The following FOXP4 variants were observed in gnomAD, a reference collection of about 807,000 sequenced individuals.
FOXP4 encodes forkhead box protein P4.
In FOXP4, 25 loss-of-function variants were observed where a neutral mutation model predicts 82.6. That is an observed-to-expected ratio of 0.30 (90% CI 0.22 to 0.42). The LOEUF is 0.42. Among genes scored for constraint, FOXP4 ranks in the 10% least tolerant of loss-of-function variants. The pLI is 1.00. For missense variants in FOXP4, 785 were observed against 900.9 expected (o/e 0.87, Z 1.65); for synonymous variants, 415 against 388.2 (o/e 1.07, Z -0.81).
In FOXP4 at chr6:41,588,631, C is replaced by G. The variant is rs769438904; in HGVS notation, c.978-13C>G. ...CGGAGCCAACTTTCTCTCCTCCTCT[C>G]TTCCCCTTGAAGACACCTCAACACA... On this transcript the variant is annotated splice_polypyrimidine_tract_variant and intron_variant, in intron 8 of 16. Transcript: ENST00000307972. 3 of 1,613,940 alleles carry G rather than the reference C, an allele frequency of 1.9e-6. No homozygotes were observed. Among genetic ancestry groups the G allele is most frequent in the Non-Finnish European group, 2.5e-6 (3 of 1,179,882 alleles).
rs1474052972 is a variant in FOXP4 at position 41,565,741 on chromosome 6, C to T, written c.-16-4C>T. 2.5e-6 allele frequency: 4 copies of T among 1,575,992 alleles called. No homozygotes were observed. The highest frequency in any genetic ancestry group is 1.2e-5 in the South Asian group (1 of 85,444). On this transcript the variant is annotated splice_polypyrimidine_tract_variant and splice_region_variant and intron_variant, in intron 1 of 16. Transcript: ENST00000307972. ...TCTCCCCTGTGTCTCTCTTCCTCCT[C>T]CAGGTACCGCTAGAGCGACATGATG...
chr6:41,564,162 A>G (rs1764745014), intron 1 of FOXP4, among the ~76,000 whole-genome samples: 1 of 152,238 alleles, frequency 6.6e-6, no homozygotes, highest in Non-Finnish European at 1.5e-5. Flanking sequence ...TACTAAAGAT[A>G]TTGGAACCTT....
chr6:41,566,180 G>T (rs1031767861), intron 2 of FOXP4, among the ~76,000 whole-genome samples: 1 of 152,118 alleles, frequency 6.6e-6, no homozygotes, highest in African/African-American at 2.4e-5. Context: ...GATAGAAGTG[G>T]GACTCGGAGG....
chr6:41,575,323 G>A (rs1765418059), intron 2 of FOXP4, among the ~76,000 whole-genome samples: 1 of 152,170 alleles, frequency 6.6e-6, no homozygotes, highest in South Asian at 2.1e-4. Flanking sequence ...AGCCCTGGGG[G>A]GGCAGAGGCC....
At chr6:41,585,997 T>C (rs998210797) in intron 5 of FOXP4, among the ~76,000 whole-genome samples, 1 of 151,634 alleles carries the variant, frequency 6.6e-6, no homozygotes, top group Non-Finnish European at 1.5e-5. Flanking sequence ...CGGTCTCCTC[T>C]CAGAGCTCCC....
intron 2 of FOXP4, among the ~76,000 whole-genome samples, chr6:41,573,657 T>TG (rs1765321407): frequency 6.6e-6 from 1 of 152,176 alleles, no homozygotes; most frequent in South Asian, 2.1e-4. Flanking sequence ...CAGGACCTAC[T>TG]GGGTGCCTGG....
At chr6:41,589,927 G>A (rs772272458) in intron 10 of FOXP4, 36 bp from the exon 11 acceptor site, 54 of 1,603,728 alleles carry the variant, frequency 3.4e-5, no homozygotes, top group Middle Eastern at 3.3e-4. Context: ...CCCCACCCTC[G>A]GGCACTGGTC....
rs199587483 is a variant in FOXP4, at chr6:41,575,930, C to G, written c.205-2056C>G. On this transcript the variant is annotated intron_variant, in intron 2 of 16. Transcript: ENST00000307972. The stretch of plus-strand genomic sequence containing the variant: ...TACCCCCTCAACCCTACTCTACCTC[C>G]ACCTTTGGAGGACAAAGAGCACTTG... 6.6e-5 allele frequency among the ~76,000 whole-genome samples: 10 copies of G among 152,250 alleles called. 1 individual carries two copies. In the East Asian group the frequency reaches 1.9e-3, roughly 29 times the overall value.
intron 8 of FOXP4, 97 bp from the exon 9 acceptor site, chr6:41,588,547 T>G: frequency 8.2e-7 from 1 of 1,215,084 alleles, no homozygotes; most frequent in Non-Finnish European, 1.2e-6. Flanking sequence ...GTCTGTCTGC[T>G]TTTCAGGCCA....
chr6:41,552,058 C>T (rs774337227), intron 1 of FOXP4, among the ~76,000 whole-genome samples: 1 of 152,300 alleles, frequency 6.6e-6, no homozygotes, highest in Non-Finnish European at 1.5e-5. Flanking sequence ...AGGGCCTCCC[C>T]GTGTGAAATG....
intron 1 of FOXP4, among the ~76,000 whole-genome samples, chr6:41,562,854 C>G (rs1764665638): frequency 6.6e-6 from 1 of 152,194 alleles, no homozygotes; most frequent in Non-Finnish European, 1.5e-5. Flanking sequence ...AGGCCCAGGC[C>G]CAAGTGGGGG....
intron 14 of FOXP4, 103 bp from the exon 15 acceptor site, chr6:41,597,073 G>A (rs1766885028): frequency 8.9e-6 from 11 of 1,240,894 alleles, no homozygotes; most frequent in Admixed American, 3.4e-5. Context: ...AATAGGGAAT[G>A]GGACCCATTC....
chr6:41,599,016 C>G lies in FOXP4; in HGVS notation c.*80C>G. On this transcript the variant is annotated 3_prime_UTR_variant, in exon 17 of 17. Transcript: ENST00000307972. ...GCCCCATCTCCCCCAACTCCACAGC[C>G]CCTCCCGAGCCTCAAGGCAAGTCCA... is the stretch of plus-strand genomic sequence containing the variant. 1.4e-6 allele frequency: 2 copies of G among 1,451,500 alleles called. No individual in the cohort carries two copies. The highest frequency in any genetic ancestry group is 1.8e-6 in the Non-Finnish European group (2 of 1,099,680). 89.9% of individuals were successfully genotyped at this position (1,451,500 alleles called of 1,614,324 possible). A position where few individuals can be genotyped will look rare whatever the true frequency, so the allele number is the denominator to read the frequency against.
rs1764423145 is a variant in FOXP4, at chr6:41,558,927, T to G, written c.-16-6818T>G. Among the ~76,000 whole-genome samples the G allele has an allele frequency of 6.6e-6, 1 of 152,264 alleles. No individual in the cohort carries two copies. The highest frequency in any genetic ancestry group is 1.5e-5 in the Non-Finnish European group (1 of 68,046). On this transcript the variant is annotated intron_variant, in intron 1 of 16. Transcript: ENST00000307972. The surrounding 1 kb of genome is among the most constrained non-coding windows in gnomAD (Gnocchi z 4.0). Reference sequence around the variant, plus strand: ...AAGGAACTAGAAGACATCCTTGTGCTCTGGTATCCACATGTGTATCTTTTT... The same window carrying G: ...AAGGAACTAGAAGACATCCTTGTGCGCTGGTATCCACATGTGTATCTTTTT...
chr6:41,574,035 A>G (rs1765341827), intron 2 of FOXP4, among the ~76,000 whole-genome samples: 1 of 152,142 alleles, frequency 6.6e-6, no homozygotes, highest in Non-Finnish European at 1.5e-5. Flanking sequence ...TAGGTTTTCC[A>G]TAATGGCTTC....
At chr6:41,597,402 C>T (rs969182102) in intron 15 of FOXP4, among the ~76,000 whole-genome samples, 160 bp downstream of exon 15, 3 of 152,176 alleles carry the variant, frequency 2.0e-5, no homozygotes, top group African/African-American at 7.2e-5. Flanking sequence ...CACCCCAACT[C>T]GGGGCCAGCC....
Position 41,584,814 on chromosome 6 carries a change from C to A in FOXP4, c.346C>A (p.Gln116Lys). Residue 116 changes from glutamine to lysine, a missense_variant, in exon 4 of 17, where the codon CAA (glutamine) becomes AAA (lysine). Gln to Lys is a moderately conservative substitution (Grantham distance 53, BLOSUM62 1). Coordinates refer to ENST00000307972, the MANE Select transcript of FOXP4 (RefSeq NM_001012426.2). ...GATGTCGCCGCAGATGCTTACCCCGCAACAGATGCAGCAGATCCTGTCGCC... is the reference window on the plus strand; with the variant it reads ...GATGTCGCCGCAGATGCTTACCCCGAAACAGATGCAGCAGATCCTGTCGCC... ...AMMSPQMLTP[Q>K]QMQQILSPPQ... The A allele has an allele frequency of 6.2e-7, 1 of 1,606,676 alleles. No homozygotes were observed. Among genetic ancestry groups the A allele is most frequent in the Non-Finnish European group, 8.5e-7 (1 of 1,176,866 alleles).
rs182239230 is a variant in FOXP4, at chr6:41,587,954, C to G, written c.977+57C>G. ...GCCTTTCCCCACAGGGCCTCTCCCC[C>G]AACCCTGCCCACTAGCTTGCCCCTT... On this transcript the variant is annotated intron_variant, in intron 8 of 16. Transcript: ENST00000307972. 644 of 901,172 alleles carry G rather than the reference C, an allele frequency of 7.1e-4. 1 individual carries two copies. Among genetic ancestry groups the G allele is most frequent in the Non-Finnish European group, 1.1e-3 (591 of 559,202 alleles). 55.8% of individuals were successfully genotyped at this position (901,172 alleles called of 1,614,324 possible).
chr6:41,548,175 C>A (rs1369085114), intron 1 of FOXP4, among the ~76,000 whole-genome samples: 5 of 152,282 alleles, frequency 3.3e-5, no homozygotes, highest in African/African-American at 4.8e-5. Context: ...GGTTTCCTCG[C>A]TCACTCGGCG....
Sources: allele counts gnomAD v4.1 joint callset (sites outside exome capture counted in the v4.1 genomes callset), GRCh38; gene constraint gnomAD v4.1.1; non-coding constraint Gnocchi (gnomAD v3.1); transcripts MANE v1.5; gene names NCBI Gene and HGNC (gene_info 2026-07-23, HGNC 2026-07-21).